Variants in KCNIP4 observed in about 807,000 individuals in gnomAD.
KCNIP4 encodes Kv channel-interacting protein 4.
KCNIP4 carries 12 observed loss-of-function variants against 34.0 expected under a neutral mutation model. That is an observed-to-expected ratio of 0.35 (90% CI 0.23 to 0.57). KCNIP4 has a LOEUF of 0.57. Among genes scored for constraint, KCNIP4 ranks in the 20% least tolerant of loss-of-function variants. The pLI is 0.83. For synonymous variants in KCNIP4, 124 were observed against 102.2 expected (o/e 1.21, Z -1.29); for missense variants, 238 against 311.7 (o/e 0.76, Z 1.78).
chr4:21,003,001 A>G (rs1738269151), intron 1 of KCNIP4, among the ~76,000 whole-genome samples: 1 of 152,098 alleles, frequency 6.6e-6, no homozygotes, highest in South Asian at 2.1e-4. Flanking sequence ...TCATTTTCTG[A>G]CTGCTCTTAT....
At chr4:21,896,365 C>G (rs1727385383) in intron 1 of KCNIP4, among the ~76,000 whole-genome samples, 2 of 152,034 alleles carry the variant, frequency 1.3e-5, no homozygotes, top group South Asian at 4.1e-4. Flanking sequence ...TACAGAAGGA[C>G]AAAGTATATG....
At chr4:21,263,983 G>A (rs781384557) in intron 1 of KCNIP4, among the ~76,000 whole-genome samples, 4 of 151,956 alleles carry the variant, frequency 2.6e-5, no homozygotes, top group African/African-American at 4.8e-5. Context: ...GTGTGTGTGT[G>A]TGTGTGTGTA....
intron 1 of KCNIP4, among the ~76,000 whole-genome samples, chr4:21,300,697 T>A (rs2109240172): frequency 6.6e-6 from 1 of 152,214 alleles, no homozygotes; most frequent in African/African-American, 2.4e-5. Flanking sequence ...CAATGAATAT[T>A]TCCCTGAGGT....
At chr4:21,384,350 G>T (rs1417787483) in intron 1 of KCNIP4, among the ~76,000 whole-genome samples, 1 of 152,008 alleles carries the variant, frequency 6.6e-6, no homozygotes, top group Non-Finnish European at 1.5e-5. Flanking sequence ...ATTGTATATT[G>T]CAAATCAAAG....
At chr4:20,999,406 G>C (rs1737859104) in intron 1 of KCNIP4, among the ~76,000 whole-genome samples, 1 of 119,792 alleles carries the variant, frequency 8.3e-6, no homozygotes, top group African/African-American at 3.1e-5. Context: ...GGTTTTTGTT[G>C]TGGTGGTGTT....
chr4:20,937,130 C>G (rs1164168398), intron 1 of KCNIP4, among the ~76,000 whole-genome samples: 1 of 151,430 alleles, frequency 6.6e-6, no homozygotes, highest in Non-Finnish European at 1.5e-5. Context: ...TGTTTGACCA[C>G]TGCTGTGACT....
chr4:21,689,648 T>G (rs1373194176), intron 1 of KCNIP4, among the ~76,000 whole-genome samples: 2 of 152,128 alleles, frequency 1.3e-5, no homozygotes, highest in Non-Finnish European at 2.9e-5. Context: ...TGAAAAGACA[T>G]TAGAGGAAGC....
intron 1 of KCNIP4, among the ~76,000 whole-genome samples, chr4:20,896,888 G>C (rs1361400365): frequency 1.3e-5 from 2 of 151,214 alleles, no homozygotes; most frequent in African/African-American, 2.4e-5. Context: ...TCGCCAAAAT[G>C]TAAGACAAGG....
intron 1 of KCNIP4, among the ~76,000 whole-genome samples, chr4:21,277,216 T>G (rs979088509): frequency 6.6e-6 from 1 of 152,144 alleles, no homozygotes; most frequent in Non-Finnish European, 1.5e-5. Context: ...TGACTAGATT[T>G]TTCAACTCAT....
At chr4:21,028,481 C>A (rs897480325) in intron 1 of KCNIP4, among the ~76,000 whole-genome samples, 1 of 152,138 alleles carries the variant, frequency 6.6e-6, no homozygotes, top group African/African-American at 2.4e-5. Context: ...ATCATAGAGT[C>A]TCCTTGAATT....
chr4:21,112,347 C>T (rs749645482), intron 1 of KCNIP4, among the ~76,000 whole-genome samples: 6 of 152,110 alleles, frequency 3.9e-5, no homozygotes, highest in Admixed American at 2.0e-4. Flanking sequence ...TCATCATGAT[C>T]GAGTCCTACT....
intron 1 of KCNIP4, among the ~76,000 whole-genome samples, chr4:20,927,261 G>C (rs1325514082): frequency 6.6e-6 from 1 of 152,192 alleles, no homozygotes; most frequent in Non-Finnish European, 1.5e-5. Context: ...ACAGGCATGA[G>C]CCACCGTGCC....
chr4:20,845,048 C>T (rs1720197292), intron 3 of KCNIP4, among the ~76,000 whole-genome samples: 1 of 152,160 alleles, frequency 6.6e-6, no homozygotes, highest in African/African-American at 2.4e-5. Flanking sequence ...GCTGCTTCCT[C>T]ACAAGCTCCA....
At chr4:20,763,823 G>T (rs1423178313) in intron 3 of KCNIP4, among the ~76,000 whole-genome samples, 2 of 152,290 alleles carry the variant, frequency 1.3e-5, no homozygotes, top group African/African-American at 4.8e-5. Context: ...CTGCCAAAGT[G>T]CTGGGATTAC....
In KCNIP4 at chr4:20,732,005, C is replaced by A; in HGVS notation, c.705+1G>T. 1 of 1,613,402 alleles carries A rather than the reference C, an allele frequency of 6.2e-7. No homozygotes were observed. The highest frequency in any genetic ancestry group is 8.5e-7 in the Non-Finnish European group (1 of 1,179,750). On this transcript the variant is annotated splice_donor_variant, in intron 8 of 8. Transcript: ENST00000382152. LOFTEE classifies it high-confidence loss of function. ...ATAGTTATTACACTTTCATTACTTACTTTTTGGCAGCTTTCAATGAACTCA... is the reference window on the plus strand; with the variant it reads ...ATAGTTATTACACTTTCATTACTTAATTTTTGGCAGCTTTCAATGAACTCA...
intron 1 of KCNIP4, among the ~76,000 whole-genome samples, chr4:21,185,656 T>C (rs2109334343): frequency 6.6e-6 from 1 of 152,282 alleles, no homozygotes; most frequent in African/African-American, 2.4e-5. Context: ...TTTGAGTGAG[T>C]AGTCAGTAAA....
intron 1 of KCNIP4, among the ~76,000 whole-genome samples, chr4:20,992,671 T>G (rs771030792): frequency 6.6e-6 from 1 of 152,088 alleles, no homozygotes; most frequent in Non-Finnish European, 1.5e-5. Flanking sequence ...TCTCAATGAC[T>G]TGGAAATCCC....
In KCNIP4 at chr4:21,267,653, A is replaced by G. The variant is rs372026695; in HGVS notation, c.62-384944T>C. Among the ~76,000 whole-genome samples, 41 of 144,116 alleles carry G rather than the reference A, an allele frequency of 2.8e-4. No individual in the cohort carries two copies. In the East Asian group the frequency reaches 5.0e-3, roughly 17 times the overall value. The allele number at this position is 144,116 out of a possible 152,430, so 94.5% of individuals were successfully genotyped here. A position where few individuals can be genotyped will look rare whatever the true frequency, so the allele number is the denominator to read the frequency against. ...TCTGTTTATATGCTGGATTACATTT[A>G]TTGATTTGCGTATATTGAACCAGCC... On this transcript the variant is annotated intron_variant, in intron 1 of 8. Coordinates refer to ENST00000382152, the MANE Select transcript of KCNIP4 (RefSeq NM_025221.6).
intron 2 of KCNIP4, among the ~76,000 whole-genome samples, chr4:20,857,953 A>G (rs1361918882): frequency 6.6e-6 from 1 of 151,994 alleles, no homozygotes; most frequent in Non-Finnish European, 1.5e-5. Context: ...TCACACCTGT[A>G]ATCCCAGCAC....
Sources: allele counts gnomAD v4.1 joint callset (sites outside exome capture counted in the v4.1 genomes callset), GRCh38; gene constraint gnomAD v4.1.1; transcripts MANE v1.5; gene names NCBI Gene and HGNC (gene_info 2026-07-23, HGNC 2026-07-21).